DLG2: variants seen among roughly 807,000 people sequenced by gnomAD.
DLG2 encodes discs large MAGUK scaffold protein 2.
Under a neutral mutation model 132.5 loss-of-function variants are expected in DLG2, and 45 were observed. That is an observed-to-expected ratio of 0.34 (90% CI 0.27 to 0.44). The LOEUF is 0.44. DLG2 is among the 20% of genes least tolerant of loss of function. The pLI, the probability that DLG2 is intolerant of heterozygous loss-of-function variation, is 1.00. For missense variants in DLG2, 1,045 were observed against 1,196.9 expected, an observed-to-expected ratio of 0.87 and a Z score of 1.87; for synonymous variants, 424 against 419.6, an observed-to-expected ratio of 1.01 and a Z score of -0.13.
intron 3 of DLG2, among the ~76,000 whole-genome samples, chr11:85,525,555 T>C (rs2074678321): frequency 6.6e-6 from 1 of 152,224 alleles, no homozygotes; most frequent in South Asian, 2.1e-4. Context: ...CTGAGAGATT[T>C]CTACTATGAA....
At chr11:84,257,470 T>C (rs1026954059) in intron 7 of DLG2, among the ~76,000 whole-genome samples, 1 of 152,186 alleles carries the variant, frequency 6.6e-6, no homozygotes, top group East Asian at 1.9e-4. Flanking sequence ...AAATACTTTA[T>C]GTGAATTAAC....
chr11:85,419,596 T>C (rs59910356), intron 3 of DLG2, among the ~76,000 whole-genome samples: 9,266 of 152,290 alleles, frequency 0.061, 426 homozygotes, highest in African/African-American at 0.12. Context: ...TCTTTTCACA[T>C]AGTCCCATAT....
chr11:85,200,113 C>A (rs1398371570), intron 4 of DLG2, among the ~76,000 whole-genome samples: 2 of 152,072 alleles, frequency 1.3e-5, no homozygotes, highest in Non-Finnish European at 2.9e-5. Context: ...TGTAAACCCC[C>A]CCATGGAGCC....
At chr11:84,545,506 T>C in intron 6 of DLG2, 1 of 403,064 alleles carries the variant, frequency 2.5e-6, no homozygotes, top group Non-Finnish European at 4.8e-6. Flanking sequence ...CTTTGGCTTC[T>C]TTGGCTCAAT....
At chr11:84,157,895 G>C (rs144525460) in intron 9 of DLG2, among the ~76,000 whole-genome samples, 3 of 152,136 alleles carry the variant, frequency 2.0e-5, no homozygotes, top group South Asian at 2.1e-4. Flanking sequence ...AGGAGGAGTC[G>C]TCAACTTGTT....
chr11:84,723,079 T>C (rs2062017983), intron 6 of DLG2, among the ~76,000 whole-genome samples: 1 of 152,204 alleles, frequency 6.6e-6, no homozygotes. Context: ...CTACAGAGCA[T>C]CTATAATTAC....
In DLG2 at chr11:85,234,953, G is replaced by A. The variant is rs1229059568; in HGVS notation, c.186+50267C>T. 3.9e-5 allele frequency among the ~76,000 whole-genome samples: 6 copies of A among 151,996 alleles called. No homozygotes were observed. In the East Asian group the frequency reaches 9.7e-4, roughly 25 times the overall value. On this transcript the variant is annotated intron_variant, in intron 4 of 27. Transcript: ENST00000376104. ...CCCTGTCAGACAGGAAAATTATCGT[G>A]TTACTATATATGCATCTATCTCTCT...
At chr11:83,956,489 C>T (rs1024211026) in intron 14 of DLG2, among the ~76,000 whole-genome samples, 3 of 152,222 alleles carry the variant, frequency 2.0e-5, no homozygotes, top group Non-Finnish European at 2.9e-5. Flanking sequence ...GCCATGGGCC[C>T]CACACGGAGC....
intron 6 of DLG2, among the ~76,000 whole-genome samples, chr11:84,973,846 C>G (rs3911272): frequency 1.5e-3 from 224 of 152,152 alleles, no homozygotes; most frequent in African/African-American, 5.3e-3. Context: ...TTTATAGATA[C>G]TGAAATTTGA....
intron 11 of DLG2, among the ~76,000 whole-genome samples, chr11:84,044,765 C>G (rs766082306): frequency 6.6e-6 from 1 of 151,714 alleles, no homozygotes; most frequent in Non-Finnish European, 1.5e-5. Flanking sequence ...TTCAACTACT[C>G]TTTGAAAAAG....
intron 4 of DLG2, among the ~76,000 whole-genome samples, chr11:85,281,964 C>T (rs1222060651): frequency 6.6e-6 from 1 of 151,728 alleles, no homozygotes; most frequent in Non-Finnish European, 1.5e-5. Flanking sequence ...ATCAAAGTGT[C>T]CATCAACAGA....
At chr11:85,077,236 G>C (rs959232527) in intron 6 of DLG2, among the ~76,000 whole-genome samples, 1 of 151,998 alleles carries the variant, frequency 6.6e-6, no homozygotes, top group African/African-American at 2.4e-5. Context: ...AGGTGTTGTG[G>C]TTAGGGTTAG....
rs1048106979 is a variant in DLG2, at chr11:84,357,856, G to A, written c.520-106565C>T. ...TTAATGAAGGCATTAAATGAAACAT[G>A]TAGTAGGTAAGAGTCTCAAATTTCT... On this transcript the variant is annotated intron_variant, in intron 7 of 27. Coordinates refer to ENST00000376104, the MANE Select transcript of DLG2 (RefSeq NM_001142699.3). 2.0e-5 allele frequency among the ~76,000 whole-genome samples: 3 copies of A among 151,808 alleles called. No homozygotes were observed. The South Asian group carries it at 6.2e-4, about 31-fold the overall frequency.
intron 7 of DLG2, among the ~76,000 whole-genome samples, chr11:84,427,524 C>A (rs539367252): frequency 1.3e-5 from 2 of 151,286 alleles, no homozygotes; most frequent in African/African-American, 2.4e-5. Flanking sequence ...CAGAAGTCAA[C>A]GAAGATGACA....
chr11:85,126,502 G>C (rs540437748), intron 5 of DLG2, among the ~76,000 whole-genome samples: 1 of 152,220 alleles, frequency 6.6e-6, no homozygotes, highest in African/African-American at 2.4e-5. Flanking sequence ...AGGTTATTAA[G>C]ACAGTCATAG....
intron 7 of DLG2, among the ~76,000 whole-genome samples, chr11:84,494,116 C>G (rs1454998593): frequency 1.3e-5 from 2 of 152,168 alleles, no homozygotes; most frequent in Non-Finnish European, 2.9e-5. Context: ...CAATACCCAT[C>G]ATTAAAGACT....
intron 3 of DLG2, among the ~76,000 whole-genome samples, chr11:85,583,126 GTGTGTATATATATA>G (rs1215960906): frequency 1.3e-3 from 43 of 34,300 alleles, no homozygotes; most frequent in East Asian, 5.1e-3. Flanking sequence ...GTGTGTGTGT[GTGTGTATATATATA>G]TATATATATA....
intron 14 of DLG2, among the ~76,000 whole-genome samples, chr11:83,938,629 C>T (rs1480844567): frequency 1.3e-5 from 2 of 152,098 alleles, no homozygotes; most frequent in African/African-American, 4.8e-5. Flanking sequence ...TTCATTTGTA[C>T]ATTCATTCAT....
chr11:84,508,474 C>G (rs1339579842), intron 7 of DLG2, among the ~76,000 whole-genome samples: 1 of 150,564 alleles, frequency 6.6e-6, no homozygotes, highest in Non-Finnish European at 1.5e-5. Flanking sequence ...GCAATCTCAG[C>G]TCACTGCAAC....
Sources: allele counts gnomAD v4.1 joint callset (sites outside exome capture counted in the v4.1 genomes callset), GRCh38; gene constraint gnomAD v4.1.1; transcripts MANE v1.5; gene names NCBI Gene and HGNC (gene_info 2026-07-23, HGNC 2026-07-21).